TRAPPC13: variants seen among roughly 807,000 people sequenced by gnomAD.
TRAPPC13 encodes REV7-interacting novel NHEJ regulator 1.
A neutral mutation model predicts 54.0 loss-of-function variants in TRAPPC13; 39 were observed. The observed-to-expected ratio is 0.72, with a 90% CI of 0.56 to 0.94. The LOEUF (loss-of-function observed/expected upper bound fraction) is 0.94, where lower values mean the gene tolerates loss of function less well. Ranked by LOEUF, TRAPPC13 falls within the 40% of genes least tolerant of loss-of-function variation. The pLI, the probability that TRAPPC13 is intolerant of heterozygous loss-of-function variation, is 0.00. For missense variants in TRAPPC13, 386 were observed against 488.1 expected (o/e 0.79, Z 1.97); for synonymous variants, 148 against 167.7 (o/e 0.88, Z 0.91).
intron 1 of TRAPPC13, among the ~76,000 whole-genome samples, chr5:65,626,523 G>A (rs1755238908): frequency 1.3e-5 from 2 of 152,166 alleles, no homozygotes; most frequent in Admixed American, 1.3e-4. Context: ...TGATCACAAG[G>A]TCAAGAGATC....
rs59283001 is a variant in TRAPPC13, at chr5:65,638,927, T to C, written c.300+1147T>C. Among the ~76,000 whole-genome samples the C allele has an allele frequency of 5.8e-3, 879 of 152,036 alleles. 7 individuals carry two copies. The highest frequency in any genetic ancestry group is 0.02 in the African/African-American group (845 of 41,442). On this transcript the variant is annotated intron_variant, in intron 4 of 12. Transcript: ENST00000399438. ...GGTGAAATACCATCTCTACTAAAAA[T>C]ACAGAAATTAGCCAGGAGTGGTGGC...
chr5:65,640,866 A>ACT (rs1026761668), intron 4 of TRAPPC13, among the ~76,000 whole-genome samples: 1 of 152,034 alleles, frequency 6.6e-6, no homozygotes, highest in Non-Finnish European at 1.5e-5. Context: ...GCAGTGTAGT[A>ACT]CTCACTAGGG....
At chr5:65,653,800 T>C (rs185119975) in intron 7 of TRAPPC13, among the ~76,000 whole-genome samples, 29 of 152,282 alleles carry the variant, frequency 1.9e-4, no homozygotes, top group African/African-American at 7.0e-4. Flanking sequence ...TTACTAGATG[T>C]TTACAAAGTT....
intron 4 of TRAPPC13, among the ~76,000 whole-genome samples, chr5:65,642,462 T>C (rs1756006545): frequency 6.6e-6 from 1 of 152,222 alleles, no homozygotes; most frequent in Non-Finnish European, 1.5e-5. Context: ...AAATTACTTA[T>C]ATCCCATATG....
chr5:65,633,976 C>CG (rs1268999426), intron 1 of TRAPPC13, among the ~76,000 whole-genome samples: 21 of 110,214 alleles, frequency 1.9e-4, no homozygotes, highest in Non-Finnish European at 2.8e-4. Context: ...TCTCTCCCAG[C>CG]GTTTTTTTTT....
intron 7 of TRAPPC13, 60 bp from the exon 8 acceptor site, chr5:65,655,576 C>A: frequency 1.7e-6 from 1 of 580,382 alleles, no homozygotes. Context: ...TAAAGTAATT[C>A]TTTTTTCTTT....
Position 65,655,630 on chromosome 5 carries a change from C to T in TRAPPC13, c.547-6C>T. ...TTCTAATTATTCTTTTTTATTTTTC[C>T]ATTAGAGTGACCTCAGTTCTGTGGT... On this transcript the variant is annotated splice_region_variant and splice_polypyrimidine_tract_variant and intron_variant, in intron 7 of 12. Coordinates refer to ENST00000399438, the MANE Select transcript of TRAPPC13 (RefSeq NM_024941.4). The T allele has an allele frequency of 2.5e-6, 2 of 804,678 alleles. No homozygotes were observed. Among genetic ancestry groups the T allele is most frequent in the Non-Finnish European group, 3.5e-6 (2 of 573,718 alleles). 49.8% of individuals were successfully genotyped at this position (804,678 alleles called of 1,614,324 possible).
intron 1 of TRAPPC13, among the ~76,000 whole-genome samples, chr5:65,628,194 G>C (rs1189579593): frequency 6.6e-6 from 1 of 152,050 alleles, no homozygotes; most frequent in Non-Finnish European, 1.5e-5. Flanking sequence ...GGCAACTTGA[G>C]GACTTCTGTG....
chr5:65,634,954 T>C (rs930846580), intron 1 of TRAPPC13: 2 of 909,396 alleles, frequency 2.2e-6, no homozygotes, highest in African/African-American at 3.6e-5. Context: ...GTTGATATTG[T>C]TTATGGTGAA....
chr5:65,648,185 A>G (rs1756284335), intron 5 of TRAPPC13, among the ~76,000 whole-genome samples: 1 of 152,144 alleles, frequency 6.6e-6, no homozygotes, highest in Non-Finnish European at 1.5e-5. Flanking sequence ...TCCAGACTCC[A>G]TGGATTGAAA....
intron 4 of TRAPPC13, among the ~76,000 whole-genome samples, chr5:65,642,440 C>A (rs923853227): frequency 5.9e-5 from 9 of 151,948 alleles, no homozygotes; most frequent in African/African-American, 2.2e-4. Context: ...CAAAAAAAAT[C>A]CAAGACTTAA....
intron 4 of TRAPPC13, among the ~76,000 whole-genome samples, chr5:65,646,246 A>C (rs1198307770): frequency 6.6e-6 from 1 of 152,160 alleles, no homozygotes; most frequent in Non-Finnish European, 1.5e-5. Context: ...AATATAATGG[A>C]GCATCATCGG....
chr5:65,653,143 A>C (rs1756533839), intron 7 of TRAPPC13, among the ~76,000 whole-genome samples: 1 of 151,170 alleles, frequency 6.6e-6, no homozygotes, highest in Non-Finnish European at 1.5e-5. Context: ...CCAAAAAAAA[A>C]AAAGAACTTG....
At chr5:65,650,977 C>A in intron 6 of TRAPPC13, 95 bp downstream of exon 6, 1 of 815,600 alleles carries the variant, frequency 1.2e-6, no homozygotes, top group Non-Finnish European at 2.0e-6. Context: ...AAACAAGCTC[C>A]AAATAAAGCA....
chr5:65,658,149 T>G (rs937427034), intron 8 of TRAPPC13: 2 of 402,996 alleles, frequency 5.0e-6, no homozygotes, highest in African/African-American at 4.1e-5. Context: ...ATCCATTGTT[T>G]GACAAGGTAT....
At chr5:65,656,728 A>G (rs1209330338) in intron 8 of TRAPPC13, among the ~76,000 whole-genome samples, 3 of 151,918 alleles carry the variant, frequency 2.0e-5, no homozygotes, top group Non-Finnish European at 4.4e-5. Flanking sequence ...CAACATGGTG[A>G]AACCTCATCT....
intron 9 of TRAPPC13, among the ~76,000 whole-genome samples, chr5:65,659,248 C>G (rs1756762594): frequency 6.6e-6 from 1 of 152,286 alleles, no homozygotes; most frequent in Admixed American, 6.5e-5. Flanking sequence ...GGACTATAGT[C>G]AAGCACTGTA....
chr5:65,652,767 A>G (rs1756515683), intron 7 of TRAPPC13: 1 of 573,796 alleles, frequency 1.7e-6, no homozygotes, highest in South Asian at 2.0e-5. Context: ...TATTCTCGTT[A>G]ATTTTATAAG....
intron 5 of TRAPPC13, among the ~76,000 whole-genome samples, chr5:65,647,929 T>C (rs554210516): frequency 6.6e-6 from 1 of 152,288 alleles, no homozygotes; most frequent in East Asian, 1.9e-4. Context: ...GACTTTTTCA[T>C]GTATATTCTT....
Sources: allele counts gnomAD v4.1 joint callset (sites outside exome capture counted in the v4.1 genomes callset), GRCh38; gene constraint gnomAD v4.1.1; transcripts MANE v1.5; gene names NCBI Gene and HGNC (gene_info 2026-07-23, HGNC 2026-07-21).